The following FLVCR2 variants were observed in gnomAD, a reference collection of about 807,000 sequenced individuals.
FLVCR2 encodes the protein FLVCR choline and putative heme transporter 2.
FLVCR2 carries 38 observed loss-of-function variants against 48.9 expected under a neutral mutation model. That is an observed-to-expected ratio of 0.78 (90% CI 0.60 to 1.02). FLVCR2 has a LOEUF of 1.02. Among genes scored for constraint, FLVCR2 ranks in the 50% least tolerant of loss-of-function variants. The pLI is 0.00. For synonymous variants in FLVCR2, 255 were observed against 257.0 expected, an observed-to-expected ratio of 0.99 and a Z score of 0.07; for missense variants, 664 against 663.3, an observed-to-expected ratio of 1.00 and a Z score of -0.01.
Position 75,633,615 on chromosome 14 carries a change from G to A in FLVCR2, c.953-14G>A, listed in dbSNP as rs115200097. On this transcript the variant is annotated splice_polypyrimidine_tract_variant and intron_variant, in intron 3 of 9. Coordinates refer to ENST00000238667, the MANE Select transcript of FLVCR2 (RefSeq NM_017791.3). ...AGCTGACCCTAATGTTGTATTTCTC[G>A]CTCCCTTCTTCAGGTCTGAATGCTG... The A allele has an allele frequency of 9.1e-4, 1,458 of 1,610,852 alleles. 12 individuals are homozygous for A. In the African/African-American group the frequency reaches 0.017, roughly 19 times the overall value.
chr14:75,639,579 T>C, intron 6 of FLVCR2, 117 bp downstream of exon 6: 2 of 767,220 alleles, frequency 2.6e-6, no homozygotes, highest in East Asian at 2.6e-5. Flanking sequence ...CCTCAGGAGA[T>C]ATGGACATGG....
In FLVCR2 at chr14:75,634,943, A is replaced by ACGAT; in HGVS notation, c.1057_1060dup (p.Val354AspfsTer18). The ACGAT allele has an allele frequency of 1.9e-6, 3 of 1,614,024 alleles. No individual in the cohort carries two copies. The highest frequency in any genetic ancestry group is 2.5e-6 in the Non-Finnish European group (3 of 1,179,918). On this transcript the variant is annotated frameshift_variant, in exon 5 of 10. Transcript: ENST00000238667. LOFTEE classifies it high-confidence loss of function. ...AGTGAATGCTGGAAGAATTGGCCTG[A>ACGAT]CGATCGTCATTGCAGGAATGCTTGG... is the stretch of plus-strand genomic sequence containing the variant.
Position 75,624,594 on chromosome 14 carries a change from C to T in FLVCR2, c.812-18C>T. 6.2e-7 allele frequency: 1 copy of T among 1,614,112 alleles called. No individual in the cohort carries two copies. ...GGACCATGGGAATTTTCAGCCATCT[C>T]TGTTTTTTTCCTTTCAGTGTTCAAG... is the stretch of plus-strand genomic sequence containing the variant. On this transcript the variant is annotated intron_variant, in intron 2 of 9. Coordinates refer to ENST00000238667, the MANE Select transcript of FLVCR2 (RefSeq NM_017791.3).
intron 1 of FLVCR2, among the ~76,000 whole-genome samples, chr14:75,615,757 T>C (rs1034739554): frequency 2.0e-5 from 3 of 151,486 alleles, no homozygotes; most frequent in African/African-American, 7.3e-5. Flanking sequence ...TCATGGCTCA[T>C]GCCTATAATC....
intron 1 of FLVCR2, among the ~76,000 whole-genome samples, chr14:75,584,173 T>C (rs2140003204): frequency 6.6e-6 from 1 of 152,314 alleles, no homozygotes; most frequent in African/African-American, 2.4e-5. Context: ...AAGGTGCCCC[T>C]GGGAGCTGTG....
At chr14:75,582,845 C>T (rs889509709) in intron 1 of FLVCR2, among the ~76,000 whole-genome samples, 2 of 151,730 alleles carry the variant, frequency 1.3e-5, no homozygotes, top group African/African-American at 2.4e-5. Context: ...TATCCAAAGG[C>T]GGAAGTACCT....
At chr14:75,606,228 C>T (rs957245666) in intron 1 of FLVCR2, among the ~76,000 whole-genome samples, 2 of 152,016 alleles carry the variant, frequency 1.3e-5, no homozygotes, top group African/African-American at 2.4e-5. Context: ...GGTTTTGCCA[C>T]GTTGCCAGGG....
At chr14:75,589,577 T>G (rs1888833766) in intron 1 of FLVCR2, among the ~76,000 whole-genome samples, 1 of 152,052 alleles carries the variant, frequency 6.6e-6, no homozygotes, top group Non-Finnish European at 1.5e-5. Flanking sequence ...ACTCTACAGT[T>G]CTGGGGTCTT....
intron 4 of FLVCR2, among the ~76,000 whole-genome samples, chr14:75,634,133 C>T (rs566095034): frequency 3.3e-5 from 5 of 152,046 alleles, no homozygotes; most frequent in African/African-American, 4.8e-5. Flanking sequence ...CCAGAACCCA[C>T]GAGGGCTGGG....
At position 75,635,043 on chromosome 14, in the gene FLVCR2, T is replaced by C. The variant is rs12436885; in HGVS notation, c.1124+30T>C. 124,555 of 1,406,976 alleles carry C rather than the reference T, an allele frequency of 0.089. 7,131 individuals are homozygous for C. The highest frequency in any genetic ancestry group is 0.2 in the South Asian group (17,534 of 86,230). 87.2% of individuals were successfully genotyped at this position (1,406,976 alleles called of 1,614,324 possible). The stretch of plus-strand genomic sequence containing the variant: ...GTGACTCATCCTCTTGGACTGAGAA[T>C]TGGGGACCTGTTTTTTGAAATGACA... On this transcript the variant is annotated intron_variant, in intron 5 of 9. Transcript: ENST00000238667.
chr14:75,583,247 G>C (rs1324588088), intron 1 of FLVCR2, among the ~76,000 whole-genome samples: 1 of 152,230 alleles, frequency 6.6e-6, no homozygotes, highest in African/African-American at 2.4e-5. Context: ...GGATAGACAA[G>C]ACAATTTGGT....
chr14:75,620,335 T>C (rs1322790833), intron 1 of FLVCR2, among the ~76,000 whole-genome samples: 2 of 152,220 alleles, frequency 1.3e-5, no homozygotes, highest in Admixed American at 6.5e-5. Flanking sequence ...TCCAGGCTCT[T>C]AGCCTGGGAT....
intron 1 of FLVCR2, among the ~76,000 whole-genome samples, chr14:75,583,475 G>A (rs1046308673): frequency 6.6e-5 from 10 of 152,154 alleles, no homozygotes; most frequent in African/African-American, 2.2e-4. Flanking sequence ...TAATGGGCTC[G>A]TGATCGGTTG....
chr14:75,623,197 G>A (rs190608869), intron 2 of FLVCR2, among the ~76,000 whole-genome samples: 166 of 152,180 alleles, frequency 1.1e-3, no homozygotes, highest in African/African-American at 3.9e-3. Flanking sequence ...GGCCAGGCTG[G>A]TCTCGAGCTC....
chr14:75,602,778 T>C (rs772112123), intron 1 of FLVCR2, among the ~76,000 whole-genome samples: 2 of 152,168 alleles, frequency 1.3e-5, no homozygotes, highest in South Asian at 2.1e-4. Context: ...ATAGTATGAA[T>C]GTACTTAACG....
Position 75,639,376 on chromosome 14 carries a change from C to T in FLVCR2, c.1149C>T (p.Ile383=), listed in dbSNP as rs749857475. 8.7e-6 allele frequency: 14 copies of T among 1,613,748 alleles called. No homozygotes were observed. In the East Asian group the frequency reaches 3.1e-4, roughly 36 times the overall value. Residue 383 remains isoleucine (I), a synonymous_variant, in exon 6 of 10, where the codon ATC becomes ATT. Coordinates refer to ENST00000238667, the MANE Select transcript of FLVCR2 (RefSeq NM_017791.3). ...TYKETTLVVY[I]MTLVGMVVYT... ...GAGAGACAACCCTGGTAGTCTATAT[C>T]ATGACACTGGTGGGCATGGTGGTGT...
Position 75,628,869 on chromosome 14 carries a change from A to C in FLVCR2, c.952+4117A>C, listed in dbSNP as rs76245824. 7.4e-3 allele frequency among the ~76,000 whole-genome samples: 1,132 copies of C among 152,332 alleles called. 4 individuals are homozygous for C. The highest frequency in any genetic ancestry group is 0.012 in the Non-Finnish European group (807 of 68,030). On this transcript the variant is annotated intron_variant, in intron 3 of 9. Transcript: ENST00000238667. The stretch of plus-strand genomic sequence containing the variant: ...AAAGCTTTTAATGCAGTTGAGAATA[A>C]AGACATGGCATGCCTCCAGACTGCC...
chr14:75,620,197 A>G (rs1404127919), intron 1 of FLVCR2, among the ~76,000 whole-genome samples: 2 of 152,264 alleles, frequency 1.3e-5, no homozygotes, highest in African/African-American at 2.4e-5. Flanking sequence ...TCTACCTTCA[A>G]TTAAAGTCTT....
intron 1 of FLVCR2, among the ~76,000 whole-genome samples, chr14:75,590,796 G>A (rs570506819): frequency 6.6e-6 from 1 of 152,288 alleles, no homozygotes; most frequent in East Asian, 1.9e-4. Context: ...GCAGATGCCA[G>A]CATCATGCTT....
Sources: allele counts gnomAD v4.1 joint callset (sites outside exome capture counted in the v4.1 genomes callset), GRCh38; gene constraint gnomAD v4.1.1; transcripts MANE v1.5; gene names NCBI Gene and HGNC (gene_info 2026-07-23, HGNC 2026-07-21).